Variants in SMURF2 observed in about 807,000 individuals in gnomAD.
The protein encoded by SMURF2 is E3 ubiquitin-protein ligase SMURF2.
SMURF2 carries 48 observed loss-of-function variants against 109.6 expected under a neutral mutation model. That is an observed-to-expected ratio of 0.44 (90% CI 0.35 to 0.56). The LOEUF (loss-of-function observed/expected upper bound fraction) is 0.56. Ranked by LOEUF, SMURF2 falls within the 20% of genes least tolerant of loss-of-function variation. The pLI, the probability that SMURF2 is intolerant of heterozygous loss-of-function variation, is 0.01. For missense variants in SMURF2, 575 were observed against 909.0 expected (o/e 0.63, Z 4.72); for synonymous variants, 288 against 317.1 (o/e 0.91, Z 0.97).
In SMURF2 at chr17:64,562,677, C is replaced by T. The variant is rs150576813; in HGVS notation, c.1212+94G>A. 1.4e-3 allele frequency: 1,811 copies of T among 1,300,670 alleles called. 20 individuals are homozygous for T. The African/African-American group carries it at 0.023, about 17-fold the overall frequency. 80.6% of individuals were successfully genotyped at this position (1,300,670 alleles called of 1,614,324 possible). A position where few individuals can be genotyped will look rare whatever the true frequency, so the allele number is the denominator to read the frequency against. On this transcript the variant is annotated intron_variant, in intron 11 of 18. Coordinates refer to ENST00000262435, the MANE Select transcript of SMURF2 (RefSeq NM_022739.4). ...ACAGGCGTGAGCCACCGCACCCGGCCAATTTCTCTCTAATTTAAAATAAGG... is the reference window on the plus strand; with the variant it reads ...ACAGGCGTGAGCCACCGCACCCGGCTAATTTCTCTCTAATTTAAAATAAGG...
chr17:64,596,712 G>C (rs1969824325), intron 3 of SMURF2, among the ~76,000 whole-genome samples: 1 of 149,996 alleles, frequency 6.7e-6, no homozygotes, highest in Non-Finnish European at 1.5e-5. Flanking sequence ...CATCACACAA[G>C]ACTAAAGAAA....
rs532044060 is a variant in SMURF2 at position 64,578,093 on chromosome 17, G to A, written c.857+399C>T. 1.1e-4 allele frequency among the ~76,000 whole-genome samples: 16 copies of A among 151,880 alleles called. 1 individual carries two copies. The South Asian group carries it at 2.5e-3, about 24-fold the overall frequency. On this transcript the variant is annotated intron_variant, in intron 9 of 18. Transcript: ENST00000262435. ...CCCGAGTAGCTGGGATTACAGGCACGCGCCACCACGCCCAGCTCATTTTTG... is the reference window on the plus strand; with the variant it reads ...CCCGAGTAGCTGGGATTACAGGCACACGCCACCACGCCCAGCTCATTTTTG...
chr17:64,554,761 A>C (rs1969096070), intron 15 of SMURF2, 95 bp downstream of exon 15: 1 of 1,151,196 alleles, frequency 8.7e-7, no homozygotes, highest in Non-Finnish European at 1.2e-6. Flanking sequence ...GGATTTTGTA[A>C]CACTAAGTAG....
intron 9 of SMURF2, among the ~76,000 whole-genome samples, chr17:64,576,870 ATCCTTTTT>A (rs1969499485): frequency 1.3e-5 from 1 of 76,676 alleles, no homozygotes; most frequent in East Asian, 3.3e-4. Flanking sequence ...TTCTTTTTCT[ATCCTTTTT>A]TTTTTTTTTT....
chr17:64,576,240 A>G (rs1555686046), intron 9 of SMURF2, among the ~76,000 whole-genome samples: 1 of 151,914 alleles, frequency 6.6e-6, no homozygotes, highest in Non-Finnish European at 1.5e-5. Flanking sequence ...GGAGAAAACA[A>G]TGTTCCAAAA....
intron 16 of SMURF2, 94 bp downstream of exon 16, chr17:64,551,490 C>T (rs1194704754): frequency 7.4e-7 from 1 of 1,349,274 alleles, no homozygotes; most frequent in African/African-American, 1.5e-5. Flanking sequence ...ACTTAGAAAG[C>T]ACCAGAAATA....
chr17:64,622,913 C>T (rs1342611535), intron 1 of SMURF2, among the ~76,000 whole-genome samples: 24 of 152,134 alleles, frequency 1.6e-4, no homozygotes, highest in African/African-American at 5.8e-4. Context: ...TGTCTATCCC[C>T]TATCTAATCA....
intron 6 of SMURF2, among the ~76,000 whole-genome samples, chr17:64,584,545 G>C (rs1426570649): frequency 6.6e-6 from 1 of 151,662 alleles, no homozygotes; most frequent in African/African-American, 2.4e-5. Context: ...TTTTAGAAGA[G>C]ACGTGGTTTC....
Position 64,545,737 on chromosome 17 carries a change from G to GC in SMURF2, c.*110_*111insG. The GC allele has an allele frequency of 3.0e-6, 1 of 338,554 alleles. No individual in the cohort carries two copies. The highest frequency in any genetic ancestry group is 5.1e-6 in the Non-Finnish European group (1 of 196,912). The allele number at this position is 338,554 out of a possible 1,614,324, so 21.0% of individuals were successfully genotyped here. On this transcript the variant is annotated 3_prime_UTR_variant, in exon 19 of 19. Coordinates refer to ENST00000262435, the MANE Select transcript of SMURF2 (RefSeq NM_022739.4). ...AATGTAAAAAAAAAAAAAAAAAGGG[G>GC]GGGGGGGGGAGTGTTTTCCTGTATT...
intron 1 of SMURF2, among the ~76,000 whole-genome samples, chr17:64,650,094 C>T (rs1007303892): frequency 6.6e-6 from 1 of 151,820 alleles, no homozygotes; most frequent in South Asian, 2.1e-4. Context: ...TTCTTTAAAA[C>T]AAAATCCGTG....
At chr17:64,621,988 A>T (rs146062683) in intron 1 of SMURF2, among the ~76,000 whole-genome samples, 8,049 of 128,140 alleles carry the variant, frequency 0.063, 536 homozygotes, top group African/African-American at 0.17. Context: ...ATAATAATAA[A>T]AAAAAGCACT....
At chr17:64,615,726 T>C (rs1970111782) in intron 1 of SMURF2, among the ~76,000 whole-genome samples, 1 of 152,228 alleles carries the variant, frequency 6.6e-6, no homozygotes, top group Non-Finnish European at 1.5e-5. Context: ...TATAATTCTA[T>C]ATGCATAAAA....
At chr17:64,567,441 T>G (rs1598274570) in intron 10 of SMURF2, among the ~76,000 whole-genome samples, 1 of 152,234 alleles carries the variant, frequency 6.6e-6, no homozygotes, top group Admixed American at 6.5e-5. Flanking sequence ...CCTGTAGTTA[T>G]TCCTTCAGAA....
In SMURF2 at chr17:64,545,732, AAGGGGGG is replaced by A; in HGVS notation, c.*109_*115del. 1 of 135,362 alleles carries A rather than the reference AAGGGGGG, an allele frequency of 7.4e-6. No individual in the cohort carries two copies. Among genetic ancestry groups the A allele is most frequent in the Admixed American group, 9.7e-5 (1 of 10,362 alleles). 8.4% of individuals were successfully genotyped at this position (135,362 alleles called of 1,614,324 possible). A position where few individuals can be genotyped will look rare whatever the true frequency, so the allele number is the denominator to read the frequency against. ...CCTAAAATGTAAAAAAAAAAAAAAAAAGGGGGGGGGGGGGAGTGTTTTCCTGTATTTC... is the reference window on the plus strand; with the variant it reads ...CCTAAAATGTAAAAAAAAAAAAAAAAGGGGGGGAGTGTTTTCCTGTATTTC... On this transcript the variant is annotated 3_prime_UTR_variant, in exon 19 of 19. Coordinates refer to ENST00000262435, the MANE Select transcript of SMURF2 (RefSeq NM_022739.4).
At chr17:64,589,684 G>C (rs1343390219) in intron 5 of SMURF2, among the ~76,000 whole-genome samples, 4 of 151,746 alleles carry the variant, frequency 2.6e-5, no homozygotes, top group Non-Finnish European at 5.9e-5. Flanking sequence ...CATGCCTGAT[G>C]ATCTGTCACT....
chr17:64,577,587 A>G (rs1555686172), intron 9 of SMURF2, among the ~76,000 whole-genome samples: 1 of 112,568 alleles, frequency 8.9e-6, no homozygotes, highest in Non-Finnish European at 1.7e-5. Flanking sequence ...ATAAAACACT[A>G]AAAAAAAAAA....
intron 1 of SMURF2, among the ~76,000 whole-genome samples, chr17:64,629,983 A>T (rs1421170420): frequency 6.6e-6 from 1 of 152,168 alleles, no homozygotes; most frequent in Non-Finnish European, 1.5e-5. Context: ...CACGCCTGTA[A>T]TCCCAGGACT....
intron 1 of SMURF2, among the ~76,000 whole-genome samples, chr17:64,619,478 CAAAAAA>C (rs552413988): frequency 1.4e-4 from 5 of 34,930 alleles, no homozygotes; most frequent in Non-Finnish European, 2.3e-4. Flanking sequence ...ACTCTTGTCT[CAAAAAA>C]AAAAAAAAAA....
At chr17:64,626,867 A>G (rs1001924624) in intron 1 of SMURF2, among the ~76,000 whole-genome samples, 2 of 151,984 alleles carry the variant, frequency 1.3e-5, no homozygotes, top group African/African-American at 4.8e-5. Context: ...CTATATCTAG[A>G]TTTAACAGAA....
Sources: gnomAD v4.1 joint callset for allele counts (sites outside exome capture counted in the v4.1 genomes callset) on GRCh38, gnomAD v4.1.1 for gene constraint, MANE v1.5 for transcripts, NCBI Gene and HGNC (gene_info 2026-07-23, HGNC 2026-07-21) for gene names.